The following SCAPER variants were observed in gnomAD, a reference collection of about 807,000 sequenced individuals.
SCAPER encodes S-phase cyclin A associated protein in the ER.
SCAPER carries 98 observed loss-of-function variants against 182.2 expected under a neutral mutation model. The observed-to-expected ratio is 0.54, with a 90% CI of 0.46 to 0.64. The LOEUF (loss-of-function observed/expected upper bound fraction) is 0.64, where lower values mean the gene tolerates loss of function less well. Among genes scored for constraint, SCAPER ranks in the 30% least tolerant of loss-of-function variants. SCAPER has a pLI of 0.00. For synonymous variants in SCAPER, 605 were observed against 564.6 expected, an observed-to-expected ratio of 1.07 and a Z score of -1.01; for missense variants, 1,432 against 1,690.0, an observed-to-expected ratio of 0.85 and a Z score of 2.68.
intron 24 of SCAPER, among the ~76,000 whole-genome samples, chr15:76,502,619 G>A (rs1326817208): frequency 6.6e-6 from 1 of 152,122 alleles, no homozygotes; most frequent in Non-Finnish European, 1.5e-5. Context: ...TATACCTAAT[G>A]TAAATGATGA....
intron 24 of SCAPER, among the ~76,000 whole-genome samples, chr15:76,497,989 C>CAAACAAAAA (rs2040725844): frequency 1.7e-5 from 1 of 58,322 alleles, no homozygotes; most frequent in African/African-American, 6.3e-5. Flanking sequence ...GACTCCGTCT[C>CAAACAAAAA]AAAAAAAAAA....
At chr15:76,796,955 AAATGCC>A (rs2065370535) in intron 7 of SCAPER, among the ~76,000 whole-genome samples, 2 of 152,332 alleles carry the variant, frequency 1.3e-5, no homozygotes, top group South Asian at 4.1e-4. Context: ...AGCTTTTACT[AAATGCC>A]ATACAGTGCC....
chr15:76,725,196 C>CA (rs753024935), intron 17 of SCAPER, among the ~76,000 whole-genome samples: 17 of 151,714 alleles, frequency 1.1e-4, no homozygotes, highest in Non-Finnish European at 2.1e-4. Flanking sequence ...AAAATGTGTA[C>CA]AAAAAATAAA....
chr15:76,720,615 G>A (rs901138952), intron 17 of SCAPER, among the ~76,000 whole-genome samples: 20 of 152,138 alleles, frequency 1.3e-4, no homozygotes, highest in East Asian at 7.7e-4. Context: ...TTTAATGATC[G>A]CCATTCTAAC....
chr15:76,895,792 G>A (rs1259812551), intron 1 of SCAPER, among the ~76,000 whole-genome samples: 1 of 152,128 alleles, frequency 6.6e-6, no homozygotes, highest in Non-Finnish European at 1.5e-5. Context: ...TATAATCTCA[G>A]CACTTTGGGA....
chr15:76,460,617 C>G (rs533242327), intron 25 of SCAPER, among the ~76,000 whole-genome samples: 1 of 152,116 alleles, frequency 6.6e-6, no homozygotes, highest in South Asian at 2.1e-4. Flanking sequence ...ATGTCTCATT[C>G]TCTCTTCTCC....
intron 17 of SCAPER, among the ~76,000 whole-genome samples, chr15:76,723,310 C>A (rs1042304431): frequency 1.3e-5 from 2 of 152,124 alleles, no homozygotes; most frequent in Non-Finnish European, 2.9e-5. Flanking sequence ...GTTATAATTT[C>A]TCTTCTTTTA....
chr15:76,832,617 G>C (rs375188551), intron 5 of SCAPER, among the ~76,000 whole-genome samples: 2 of 152,150 alleles, frequency 1.3e-5, no homozygotes, highest in Non-Finnish European at 2.9e-5. Context: ...GTAATCCCCA[G>C]TGCTGGAGGG....
At chr15:76,415,429 C>G (rs2045580439) in intron 26 of SCAPER, among the ~76,000 whole-genome samples, 1 of 152,060 alleles carries the variant, frequency 6.6e-6, no homozygotes, top group Non-Finnish European at 1.5e-5. Context: ...ATTTTACTAC[C>G]TCATTGCTTG....
chr15:76,671,895 A>G (rs2057044473), intron 20 of SCAPER, among the ~76,000 whole-genome samples: 1 of 152,160 alleles, frequency 6.6e-6, no homozygotes, highest in Non-Finnish European at 1.5e-5. Flanking sequence ...AACCCTAAAA[A>G]AGGAACAGTT....
At chr15:76,421,387 T>C (rs1054794619) in intron 26 of SCAPER, among the ~76,000 whole-genome samples, 1 of 152,272 alleles carries the variant, frequency 6.6e-6, no homozygotes, top group African/African-American at 2.4e-5. Flanking sequence ...ATGAGCATTT[T>C]TTCATGTGTC....
chr15:76,677,310 C>A (rs954961092), intron 20 of SCAPER, among the ~76,000 whole-genome samples: 3 of 151,814 alleles, frequency 2.0e-5, no homozygotes, highest in Non-Finnish European at 4.4e-5. Context: ...CTAATTAAGC[C>A]TTAATAGGGA....
chr15:76,868,785 T>A (rs570969734), intron 2 of SCAPER, among the ~76,000 whole-genome samples: 2 of 151,540 alleles, frequency 1.3e-5, no homozygotes, highest in African/African-American at 4.8e-5. Context: ...GAAAAAAAAA[T>A]CCTAAAACTT....
chr15:76,735,333 A>G (rs2061182429), intron 15 of SCAPER, among the ~76,000 whole-genome samples: 1 of 152,132 alleles, frequency 6.6e-6, no homozygotes, highest in Non-Finnish European at 1.5e-5. Flanking sequence ...TGATCGCGCC[A>G]CTAAACTCCA....
intron 3 of SCAPER, among the ~76,000 whole-genome samples, chr15:76,858,324 T>C (rs1285429032): frequency 6.6e-6 from 1 of 152,216 alleles, no homozygotes; most frequent in Admixed American, 6.5e-5. Flanking sequence ...ATCTGATATA[T>C]GAAATGCACA....
intron 24 of SCAPER, among the ~76,000 whole-genome samples, chr15:76,486,088 T>C (rs1172802252): frequency 6.6e-6 from 1 of 152,014 alleles, no homozygotes; most frequent in Non-Finnish European, 1.5e-5. Context: ...GCACCTGTAG[T>C]TCCAGCTACT....
At chr15:76,816,137 C>T (rs1340543219) in intron 5 of SCAPER, among the ~76,000 whole-genome samples, 1 of 152,146 alleles carries the variant, frequency 6.6e-6, no homozygotes, top group Non-Finnish European at 1.5e-5. Context: ...GCTGCTGAGA[C>T]TTTATAAACT....
intron 4 of SCAPER, among the ~76,000 whole-genome samples, chr15:76,855,653 T>G (rs1482135201): frequency 2.0e-5 from 3 of 152,030 alleles, no homozygotes; most frequent in African/African-American, 7.2e-5. Context: ...ATGCAGCCGA[T>G]AAGCATATGA....
In SCAPER at chr15:76,353,941, G is replaced by A. The variant is rs761343133; in HGVS notation, c.4047+8C>T. On this transcript the variant is annotated splice_region_variant and intron_variant, in intron 30 of 31. Coordinates refer to ENST00000563290, the MANE Select transcript of SCAPER (RefSeq NM_020843.4). ...AAGCTAGACAATTACGTATAATGTA[G>A]AAGGTACCTGAATGAAAGTGGCCAG... 1 of 1,550,066 alleles carries A rather than the reference G, an allele frequency of 6.5e-7. No homozygotes were observed.
Sources: gnomAD v4.1 joint callset for allele counts (sites outside exome capture counted in the v4.1 genomes callset) on GRCh38, gnomAD v4.1.1 for gene constraint, MANE v1.5 for transcripts, NCBI Gene and HGNC (gene_info 2026-07-23, HGNC 2026-07-21) for gene names.